Variants in PLCB4 observed in about 807,000 individuals in gnomAD.
The protein encoded by PLCB4 is phospholipase C beta 4, also known as 1-phosphatidylinositol 4,5-bisphosphate phosphodiesterase beta-4.
PLCB4 carries 77 observed loss-of-function variants against 178.8 expected under a neutral mutation model. The observed-to-expected ratio is 0.43, with a 90% CI of 0.36 to 0.52. The LOEUF is 0.52. Among genes scored for constraint, PLCB4 ranks in the 20% least tolerant of loss-of-function variants. The pLI is 0.00. For synonymous variants in PLCB4, 496 were observed against 490.8 expected (o/e 1.01, Z -0.14); for missense variants, 1,024 against 1,453.4 (o/e 0.70, Z 4.80).
intron 35 of PLCB4, 48 bp from the exon 36 acceptor site, chr20:9,468,523 A>G (rs2043960051): frequency 8.6e-7 from 1 of 1,165,374 alleles, no homozygotes; most frequent in Non-Finnish European, 1.3e-6. Context: ...ATTAAACACA[A>G]ACTCTCCATC....
At chr20:9,254,115 G>A (rs974730956) in intron 3 of PLCB4, among the ~76,000 whole-genome samples, 1 of 152,160 alleles carries the variant, frequency 6.6e-6, no homozygotes, top group African/African-American at 2.4e-5. Flanking sequence ...ACATTTCCAT[G>A]ATAAGTAACT....
intron 3 of PLCB4, among the ~76,000 whole-genome samples, chr20:9,266,258 G>T (rs1319866221): frequency 1.3e-5 from 2 of 151,930 alleles, no homozygotes; most frequent in East Asian, 1.9e-4. Context: ...GCTTTTTTTT[G>T]TTGTTGTTTG....
intron 2 of PLCB4, among the ~76,000 whole-genome samples, chr20:9,153,229 G>C (rs1224935260): frequency 6.6e-6 from 1 of 152,142 alleles, no homozygotes; most frequent in Non-Finnish European, 1.5e-5. Flanking sequence ...TGTTGGGAAG[G>C]CATGATTGGG....
At chr20:9,401,285 A>G (rs983914412) in intron 19 of PLCB4, among the ~76,000 whole-genome samples, 1 of 152,238 alleles carries the variant, frequency 6.6e-6, no homozygotes, top group Non-Finnish European at 1.5e-5. Context: ...GAAATAATAC[A>G]TAACAAGATG....
At chr20:9,443,251 G>C (rs1184662621) in intron 30 of PLCB4, among the ~76,000 whole-genome samples, 2 of 152,206 alleles carry the variant, frequency 1.3e-5, no homozygotes, top group Non-Finnish European at 2.9e-5. Flanking sequence ...TGGTAAAAGG[G>C]AGAAGCCAGA....
chr20:9,125,320 A>G (rs2092082946), intron 2 of PLCB4, among the ~76,000 whole-genome samples: 1 of 152,234 alleles, frequency 6.6e-6, no homozygotes, highest in South Asian at 2.1e-4. Context: ...GAAGCAGTTT[A>G]TTAAGGTATA....
chr20:9,414,511 A>G (rs1168505227), intron 25 of PLCB4, among the ~76,000 whole-genome samples: 1 of 152,256 alleles, frequency 6.6e-6, no homozygotes, highest in East Asian at 1.9e-4. Context: ...TGAGGACTGC[A>G]TTTCTTAAAG....
chr20:9,203,312 A>G (rs1438843458), intron 2 of PLCB4, among the ~76,000 whole-genome samples: 2 of 152,020 alleles, frequency 1.3e-5, no homozygotes, highest in East Asian at 3.9e-4. Context: ...TGTTTTAGGT[A>G]TATCACCCTG....
chr20:9,419,188 A>G (rs983750187), intron 25 of PLCB4, among the ~76,000 whole-genome samples: 1 of 152,004 alleles, frequency 6.6e-6, no homozygotes, highest in Non-Finnish European at 1.5e-5. Context: ...CTAGAAATGG[A>G]GAAATAATTT....
intron 4 of PLCB4, among the ~76,000 whole-genome samples, chr20:9,335,927 C>G (rs542565230): frequency 6.6e-6 from 1 of 152,182 alleles, no homozygotes; most frequent in South Asian, 2.1e-4. Flanking sequence ...GTTCAGGGAC[C>G]CCTAGGACTA....
intron 2 of PLCB4, among the ~76,000 whole-genome samples, chr20:9,191,423 G>A (rs1209607773): frequency 7.3e-6 from 1 of 136,940 alleles, no homozygotes; most frequent in African/African-American, 2.8e-5. Context: ...CTTAGAAGCA[G>A]AGACCAGGTC....
At chr20:9,094,504 C>T (rs1315626126) in intron 1 of PLCB4, among the ~76,000 whole-genome samples, 2 of 152,014 alleles carry the variant, frequency 1.3e-5, no homozygotes, top group Non-Finnish European at 2.9e-5. Context: ...ACAAATAATT[C>T]CCATCAAATG....
chr20:9,349,452 A>G (rs777672156), intron 7 of PLCB4, among the ~76,000 whole-genome samples: 8 of 152,306 alleles, frequency 5.3e-5, no homozygotes, highest in Non-Finnish European at 7.4e-5. Context: ...TTAGGTTTCA[A>G]TGTAACCGCA....
chr20:9,419,434 G>A (rs1041124295), intron 25 of PLCB4, among the ~76,000 whole-genome samples: 4 of 152,118 alleles, frequency 2.6e-5, no homozygotes, highest in East Asian at 1.9e-4. Context: ...ATTATTACAA[G>A]TACAATTAAT....
chr20:9,262,559 A>G (rs1236801286), intron 3 of PLCB4, among the ~76,000 whole-genome samples: 3 of 152,172 alleles, frequency 2.0e-5, no homozygotes, highest in African/African-American at 4.8e-5. Context: ...GAGTTTTAAT[A>G]ATAGAGGAGT....
In PLCB4 at chr20:9,479,138, G is replaced by T; in HGVS notation, c.*129G>T. The T allele has an allele frequency of 1.4e-6, 1 of 693,680 alleles. No homozygotes were observed. The highest frequency in any genetic ancestry group is 2.5e-6 in the Non-Finnish European group (1 of 393,782). The allele number at this position is 693,680 out of a possible 1,614,324, so 43.0% of individuals were successfully genotyped here. ...TGATATCTGAAACCAGAGAGACTTG[G>T]AATGTCTGACTGACTTCTATTTAAC... On this transcript the variant is annotated 3_prime_UTR_variant, in exon 40 of 40. Coordinates refer to ENST00000378473, the MANE Select transcript of PLCB4 (RefSeq NM_001377142.1).
intron 7 of PLCB4, among the ~76,000 whole-genome samples, chr20:9,344,278 G>A (rs939165715): frequency 2.0e-5 from 3 of 152,092 alleles, no homozygotes; most frequent in Admixed American, 6.6e-5. Context: ...CAGCCCTCAC[G>A]TGTCTGCTGG....
At chr20:9,293,354 G>A (rs1421151973) in intron 3 of PLCB4, among the ~76,000 whole-genome samples, 1 of 144,696 alleles carries the variant, frequency 6.9e-6, no homozygotes, top group Non-Finnish European at 1.5e-5. Flanking sequence ...GAGGAAGAGA[G>A]GAATGAAGGA....
At chr20:9,203,155 TG>T (rs1326684241) in intron 2 of PLCB4, among the ~76,000 whole-genome samples, 1 of 151,416 alleles carries the variant, frequency 6.6e-6, no homozygotes, top group Non-Finnish European at 1.5e-5. Context: ...TCTTGTAAGC[TG>T]TACTTACTCT....
Sources: gnomAD v4.1 joint callset for allele counts (sites outside exome capture counted in the v4.1 genomes callset) on GRCh38, gnomAD v4.1.1 for gene constraint, MANE v1.5 for transcripts, NCBI Gene and HGNC (gene_info 2026-07-23, HGNC 2026-07-21) for gene names.